AGAP3: variants seen among roughly 807,000 people sequenced by gnomAD.
AGAP3 encodes arf-GAP with GTPase, ANK repeat and PH domain-containing protein 3.
In AGAP3, 24 loss-of-function variants were observed where a neutral mutation model predicts 96.9. The observed-to-expected ratio is 0.25, with a 90% CI of 0.18 to 0.35. AGAP3 has a LOEUF of 0.35. Among genes scored for constraint, AGAP3 ranks in the 10% least tolerant of loss-of-function variants. The pLI, the probability that AGAP3 is intolerant of heterozygous loss-of-function variation, is 1.00. For synonymous variants in AGAP3, 563 were observed against 536.1 expected, an observed-to-expected ratio of 1.05 and a Z score of -0.69; for missense variants, 876 against 1,254.2, an observed-to-expected ratio of 0.70 and a Z score of 4.55.
In AGAP3 at chr7:151,143,302, C is replaced by G; in HGVS notation, c.2274-39C>G. 1.9e-6 allele frequency: 3 copies of G among 1,565,506 alleles called. No homozygotes were observed. The highest frequency in any genetic ancestry group is 1.7e-4 in the Middle Eastern group (1 of 5,842). On this transcript the variant is annotated intron_variant, in intron 16 of 17. Coordinates refer to ENST00000397238, the MANE Select transcript of AGAP3 (RefSeq NM_031946.7). This position sits in a 1 kb window ranked among gnomAD's most constrained non-coding sequence, Gnocchi z 5.9. ...CCTGGCCCCACCCGTTGCTCGGTGA[C>G]CTTCCTTGGCTCATGCCCTGATGGG... is the stretch of plus-strand genomic sequence containing the variant.
At position 151,144,066 on chromosome 7, in the gene AGAP3, A is replaced by G; in HGVS notation, c.*123A>G. On this transcript the variant is annotated 3_prime_UTR_variant, in exon 18 of 18. Coordinates refer to ENST00000397238, the MANE Select transcript of AGAP3 (RefSeq NM_031946.7). ...GGGACATGCTGAGAGGACGAAGCCAAGGAAATTAGGGAGGAGAGTCAAAGG... is the reference window on the plus strand; with the variant it reads ...GGGACATGCTGAGAGGACGAAGCCAGGGAAATTAGGGAGGAGAGTCAAAGG... 1 of 1,045,518 alleles carries G rather than the reference A, an allele frequency of 9.6e-7. No homozygotes were observed. Among genetic ancestry groups the G allele is most frequent in the Non-Finnish European group, 1.4e-6 (1 of 726,660 alleles). 64.8% of individuals were successfully genotyped at this position (1,045,518 alleles called of 1,614,324 possible).
chr7:151,116,906 G>A, intron 2 of AGAP3, 55 bp downstream of exon 2: 1 of 1,607,124 alleles, frequency 6.2e-7, no homozygotes, highest in Non-Finnish European at 8.5e-7. Context: ...GGCGAGGCTG[G>A]GTGCCGCGGG....
intron 1 of AGAP3, among the ~76,000 whole-genome samples, chr7:151,095,452 T>C (rs1233101366): frequency 6.6e-6 from 1 of 152,158 alleles, no homozygotes; most frequent in Non-Finnish European, 1.5e-5. Context: ...CCTTTAGCCT[T>C]TTCAGTTTGG....
chr7:151,095,259 C>T (rs530203210), intron 1 of AGAP3, among the ~76,000 whole-genome samples: 1 of 152,324 alleles, frequency 6.6e-6, no homozygotes, highest in East Asian at 1.9e-4. Flanking sequence ...GTCAGCACTT[C>T]GGCCTCAATG....
intron 1 of AGAP3, among the ~76,000 whole-genome samples, chr7:151,095,496 G>A (rs989197027): frequency 7.2e-5 from 11 of 152,124 alleles, no homozygotes; most frequent in Admixed American, 2.0e-4. Flanking sequence ...AAACCCCAGC[G>A]CCTGGAGTGG....
rs761753981 is a variant in AGAP3 at position 151,143,881 on chromosome 7, A to G, written c.2674A>G (p.Arg892Gly). ...EGCGLAPTPN[R>G]EPANGTNPSA... Reference sequence around the variant, plus strand: ...CTGTGGCTTAGCGCCTACCCCCAACAGAGAGCCTGCCAATGGCACCAACCC... The same window carrying G: ...CTGTGGCTTAGCGCCTACCCCCAACGGAGAGCCTGCCAATGGCACCAACCC... Residue 892 changes from arginine to glycine, a missense_variant, in exon 18 of 18, where the codon AGA becomes GGA. Coordinates refer to ENST00000397238, the MANE Select transcript of AGAP3 (RefSeq NM_031946.7). This position sits in a 1 kb window ranked among gnomAD's most constrained non-coding sequence, Gnocchi z 5.9. 7 of 1,613,964 alleles carry G rather than the reference A, an allele frequency of 4.3e-6. No individual in the cohort carries two copies. Among genetic ancestry groups the G allele is most frequent in the Non-Finnish European group, 5.9e-6 (7 of 1,179,998 alleles).
At position 151,140,164 on chromosome 7, in the gene AGAP3, ACTTGGG is replaced by A; in HGVS notation, c.1804+49_1804+54del. ...CCGGGCACAGGAGGTGGGCAGTGGG[ACTTGGG>A]GATAGTACCCTAAAAGTAACACCTA... On this transcript the variant is annotated intron_variant, in intron 13 of 17. Coordinates refer to ENST00000397238, the MANE Select transcript of AGAP3 (RefSeq NM_031946.7). The surrounding 1 kb of genome is among the most constrained non-coding windows in gnomAD (Gnocchi z 5.4). The A allele has an allele frequency of 6.7e-7, 1 of 1,485,296 alleles. No individual in the cohort carries two copies. The allele number at this position is 1,485,296 out of a possible 1,614,324, so 92.0% of individuals were successfully genotyped here. A position where few individuals can be genotyped will look rare whatever the true frequency, so the allele number is the denominator to read the frequency against.
chr7:151,088,420 G>A (rs915964230), intron 1 of AGAP3, among the ~76,000 whole-genome samples: 10 of 152,208 alleles, frequency 6.6e-5, no homozygotes, highest in African/African-American at 2.4e-4. Flanking sequence ...CTGAATCACC[G>A]CTGTGGCTGG....
intron 9 of AGAP3, among the ~76,000 whole-genome samples, chr7:151,125,815 C>G (rs1433688870): frequency 1.3e-5 from 2 of 152,376 alleles, no homozygotes; most frequent in Admixed American, 1.3e-4. Flanking sequence ...ATCCGGACTC[C>G]GCAATTAAGT....
chr7:151,136,828 CTG>C (rs1299010851), intron 11 of AGAP3, among the ~76,000 whole-genome samples: 1 of 152,130 alleles, frequency 6.6e-6, no homozygotes, highest in Non-Finnish European at 1.5e-5. Context: ...AGCAAGGTAT[CTG>C]AGAAATGAGG....
upstream of AGAP3, among the ~76,000 whole-genome samples, chr7:151,086,296 G>C (rs1245990249): frequency 1.3e-5 from 2 of 150,286 alleles, no homozygotes; most frequent in East Asian, 2.0e-4. Flanking sequence ...GCGCGGCTCG[G>C]GGGTGGAGGC....
intron 1 of AGAP3, among the ~76,000 whole-genome samples, chr7:151,094,793 T>A (rs934512289): frequency 2.0e-5 from 3 of 151,766 alleles, no homozygotes; most frequent in African/African-American, 7.3e-5. Context: ...GCATTTCAGG[T>A]GTGAGCCACC....
chr7:151,137,452 C>T (rs73476776), intron 11 of AGAP3, among the ~76,000 whole-genome samples: 17,686 of 152,234 alleles, frequency 0.12, 2,391 homozygotes, highest in African/African-American at 0.33. Flanking sequence ...AGGCCTTGTA[C>T]CACAGGCCTC....
At chr7:151,092,488 G>A (rs1798438074) in intron 1 of AGAP3, among the ~76,000 whole-genome samples, 1 of 152,196 alleles carries the variant, frequency 6.6e-6, no homozygotes, top group Non-Finnish European at 1.5e-5. Context: ...TTGGAGCGCA[G>A]AGTTGAGGTA....
chr7:151,122,879 G>A, intron 8 of AGAP3: 1 of 1,558,924 alleles, frequency 6.4e-7, no homozygotes. Flanking sequence ...CAGATGAGAA[G>A]CGGCCGCCGA....
intron 1 of AGAP3, among the ~76,000 whole-genome samples, chr7:151,089,074 C>A (rs1391583707): frequency 6.6e-6 from 1 of 152,106 alleles, no homozygotes; most frequent in Non-Finnish European, 1.5e-5. Context: ...GTCCCTCCCT[C>A]CCCCCTGCCC....
intron 11 of AGAP3, among the ~76,000 whole-genome samples, chr7:151,136,029 G>A (rs1266839236): frequency 6.6e-6 from 1 of 152,186 alleles, no homozygotes; most frequent in East Asian, 1.9e-4. Context: ...GCCAGTGGGG[G>A]ACCTTGAGCC....
chr7:151,116,611 C>T, intron 1 of AGAP3, 182 bp from the exon 2 acceptor site: 1 of 660,514 alleles, frequency 1.5e-6, no homozygotes, highest in South Asian at 1.8e-5. Context: ...CTCTGCTTCA[C>T]TCAAGAAGAA....
chr7:151,143,341 AGAG>A lies in AGAP3; in HGVS notation c.2278_2280del (p.Glu760del), dbSNP rs748141405. On this transcript the variant is annotated inframe_deletion and splice_region_variant, in exon 17 of 18. Coordinates refer to ENST00000397238, the MANE Select transcript of AGAP3 (RefSeq NM_031946.7). This position sits in a 1 kb window ranked among gnomAD's most constrained non-coding sequence, Gnocchi z 5.9. The stretch of plus-strand genomic sequence containing the variant: ...TGCCCTGATGGGCCTGTGGTTGCAG[AGAG>A]GAGAAGGAACGCTGGATACGGGCCA... 6.2e-7 allele frequency: 1 copy of A among 1,607,286 alleles called. No homozygotes were observed. The highest frequency in any genetic ancestry group is 1.3e-5 in the African/African-American group (1 of 74,754).
Sources: gnomAD v4.1 joint callset for allele counts (sites outside exome capture counted in the v4.1 genomes callset) on GRCh38, gnomAD v4.1.1 for gene constraint, Gnocchi (gnomAD v3.1) non-coding constraint, MANE v1.5 for transcripts, NCBI Gene and HGNC (gene_info 2026-07-23, HGNC 2026-07-21) for gene names.